Variants in ATRNL1 observed in about 807,000 individuals in gnomAD.
ATRNL1 encodes attractin like 1.
ATRNL1 carries 95 observed loss-of-function variants against 182.7 expected under a neutral mutation model. The ratio of observed to expected loss-of-function variants is 0.52; its 90% confidence interval spans 0.44 to 0.62. The LOEUF is 0.62. Ranked by LOEUF, ATRNL1 falls within the 20% of genes least tolerant of loss-of-function variation. The pLI is 0.00. For missense variants in ATRNL1, 1,471 were observed against 1,679.5 expected (o/e 0.88, Z 2.17); for synonymous variants, 576 against 568.3 (o/e 1.01, Z -0.19).
intron 6 of ATRNL1, among the ~76,000 whole-genome samples, chr10:115,164,057 G>A (rs2144032750): frequency 1.3e-5 from 2 of 152,256 alleles, no homozygotes; most frequent in Middle Eastern, 6.8e-3. Context: ...ACAATTGATA[G>A]CAAGCTTCTT....
intron 27 of ATRNL1, among the ~76,000 whole-genome samples, chr10:115,736,767 A>T (rs1947962805): frequency 1.3e-5 from 2 of 151,786 alleles, no homozygotes; most frequent in African/African-American, 4.8e-5. Flanking sequence ...TTTCCTTTTT[A>T]TTTATTTATT....
At chr10:115,827,044 A>C (rs1359324158) in intron 27 of ATRNL1, among the ~76,000 whole-genome samples, 1 of 152,166 alleles carries the variant, frequency 6.6e-6, no homozygotes, top group Non-Finnish European at 1.5e-5. Flanking sequence ...ACATATTATC[A>C]AAATGTGTTT....
chr10:115,386,579 G>C (rs1290129563), intron 19 of ATRNL1, among the ~76,000 whole-genome samples: 2 of 152,010 alleles, frequency 1.3e-5, no homozygotes, highest in Non-Finnish European at 2.9e-5. Flanking sequence ...ACCAGTAGAA[G>C]GTAACTGACA....
At chr10:115,927,066 C>T (rs1180313514) in intron 28 of ATRNL1, among the ~76,000 whole-genome samples, 1 of 152,104 alleles carries the variant, frequency 6.6e-6, no homozygotes, top group Non-Finnish European at 1.5e-5. Flanking sequence ...AAGGTATCCA[C>T]CACGATCAAG....
chr10:115,787,310 A>G (rs7072853), intron 27 of ATRNL1, among the ~76,000 whole-genome samples: 2,844 of 152,276 alleles, frequency 0.019, 98 homozygotes, highest in African/African-American at 0.066. Flanking sequence ...GATTTGCAAC[A>G]TCAATATATA....
rs369242361 is a variant in ATRNL1, at chr10:115,208,643, G to A, written c.1349-7054G>A. Among the ~76,000 whole-genome samples the A allele has an allele frequency of 7.9e-4, 120 of 152,064 alleles. 2 individuals carry two copies. The South Asian group carries it at 0.024, about 31-fold the overall frequency. On this transcript the variant is annotated intron_variant, in intron 8 of 28. Coordinates refer to ENST00000355044, the MANE Select transcript of ATRNL1 (RefSeq NM_207303.4). ...AGTACGAGGCCATTTTTCTATTGTT[G>A]CTTGGAGCACAAACTGTTCCCAGTG...
At chr10:115,253,468 T>G (rs114149005) in intron 10 of ATRNL1, among the ~76,000 whole-genome samples, 3 of 152,152 alleles carry the variant, frequency 2.0e-5, no homozygotes, top group African/African-American at 7.2e-5. Flanking sequence ...CAACAAGTTT[T>G]TTTTTGAATT....
chr10:115,835,063 C>CATT (rs1267331227), intron 27 of ATRNL1, among the ~76,000 whole-genome samples: 9 of 152,014 alleles, frequency 5.9e-5, no homozygotes, highest in Middle Eastern at 3.4e-3. Flanking sequence ...TAATAGTTGA[C>CATT]ATTATTATTA....
rs74160704 is a variant in ATRNL1 at position 115,852,190 on chromosome 10, A to G, written c.4018+4199A>G. Reference sequence around the variant, plus strand: ...GAAGCTATGTGCTACAACTGGAAGTAGAATTTTGCCATGATCCTGCCTCAT... The same window carrying G: ...GAAGCTATGTGCTACAACTGGAAGTGGAATTTTGCCATGATCCTGCCTCAT... On this transcript the variant is annotated intron_variant, in intron 28 of 28. Transcript: ENST00000355044. Among the ~76,000 whole-genome samples the G allele has an allele frequency of 7.0e-3, 1,062 of 152,334 alleles. 11 individuals carry two copies. Among genetic ancestry groups the G allele is most frequent in the African/African-American group, 0.024 (1,010 of 41,586 alleles).
chr10:115,665,447 C>A (rs559629866), intron 26 of ATRNL1, among the ~76,000 whole-genome samples: 4 of 151,864 alleles, frequency 2.6e-5, no homozygotes, highest in Non-Finnish European at 5.9e-5. Flanking sequence ...AAATACAGAC[C>A]TGCGTAAGTA....
At chr10:115,206,158 T>C (rs116075969) in intron 8 of ATRNL1, among the ~76,000 whole-genome samples, 1,938 of 152,236 alleles carry the variant, frequency 0.013, 39 homozygotes, top group African/African-American at 0.043. Flanking sequence ...GCCTTTATGG[T>C]TTCTTATGAT....
In ATRNL1 at chr10:115,559,454, ACG is replaced by A. The variant is rs71010027; in HGVS notation, c.3795+9920_3795+9921del. Among the ~76,000 whole-genome samples the A allele has an allele frequency of 3.0e-4, 41 of 135,382 alleles. 1 individual carries two copies. The highest frequency in any genetic ancestry group is 1.0e-3 in the African/African-American group (37 of 36,636). The allele number at this position is 135,382 out of a possible 152,430, so 88.8% of individuals were successfully genotyped here. A position where few individuals can be genotyped will look rare whatever the true frequency, so the allele number is the denominator to read the frequency against. ...TGTGTGTGTGTGTGTGCGCGCGCGC[ACG>A]CACGCACATGCGCAACCCTTCTTAC... On this transcript the variant is annotated intron_variant, in intron 26 of 28. Transcript: ENST00000355044.
At chr10:115,175,052 A>G (rs1294357138) in intron 8 of ATRNL1, among the ~76,000 whole-genome samples, 4 of 151,972 alleles carry the variant, frequency 2.6e-5, no homozygotes, top group East Asian at 1.9e-4. Flanking sequence ...TACACTTTCA[A>G]TGATCTTGAC....
intron 28 of ATRNL1, among the ~76,000 whole-genome samples, chr10:115,882,242 C>T (rs1299200620): frequency 6.6e-6 from 1 of 152,192 alleles, no homozygotes; most frequent in Non-Finnish European, 1.5e-5. Context: ...CAAATAAGCA[C>T]ATGCATTAGA....
In ATRNL1 at chr10:115,194,515, C is replaced by CT. The variant is rs753751047; in HGVS notation, c.1349-21173dup. Among the ~76,000 whole-genome samples the CT allele has an allele frequency of 1.9e-4, 29 of 150,336 alleles. 1 individual carries two copies. In the South Asian group the frequency reaches 3.6e-3, roughly 19 times the overall value. On this transcript the variant is annotated intron_variant, in intron 8 of 28. Transcript: ENST00000355044. ...ATACAAGTATAGCTACTCCTTCTTG[C>CT]TTTTTTTTTGTTTGTTTGTTGCCAT...
At chr10:115,585,863 T>A (rs1855476845) in intron 26 of ATRNL1, among the ~76,000 whole-genome samples, 1 of 52,410 alleles carries the variant, frequency 1.9e-5, no homozygotes, top group Non-Finnish European at 4.2e-5. Flanking sequence ...GGTCTTTACA[T>A]TTTGGCATGA....
chr10:115,296,212 C>G (rs1853177080), intron 15 of ATRNL1, among the ~76,000 whole-genome samples: 1 of 152,156 alleles, frequency 6.6e-6, no homozygotes, highest in Non-Finnish European at 1.5e-5. Context: ...AGATCCAATC[C>G]AGGTGGAGAA....
intron 18 of ATRNL1, among the ~76,000 whole-genome samples, chr10:115,323,702 C>T (rs7094682): frequency 0.013 from 1,964 of 152,138 alleles, 36 homozygotes; most frequent in African/African-American, 0.044. Context: ...CCTTGGCCTC[C>T]CAAAGTGCTG....
intron 27 of ATRNL1, among the ~76,000 whole-genome samples, chr10:115,842,066 T>C (rs1950822014): frequency 3.9e-5 from 6 of 152,114 alleles, no homozygotes; most frequent in Admixed American, 3.9e-4. Context: ...ATTAGAAGTA[T>C]TTTAGTAGGG....
Sources: allele counts gnomAD v4.1 joint callset (sites outside exome capture counted in the v4.1 genomes callset), GRCh38; gene constraint gnomAD v4.1.1; transcripts MANE v1.5; gene names NCBI Gene and HGNC (gene_info 2026-07-23, HGNC 2026-07-21).